ERC1: variants seen among roughly 807,000 people sequenced by gnomAD.
ERC1 encodes ELKS/RAB6-interacting/CAST family member 1.
A neutral mutation model predicts 132.0 loss-of-function variants in ERC1; 56 were observed. The ratio of observed to expected loss-of-function variants is 0.42; its 90% CI spans 0.34 to 0.53. The LOEUF (loss-of-function observed/expected upper bound fraction) is 0.53. Ranked by LOEUF, ERC1 falls within the 20% of genes least tolerant of loss-of-function variation. The pLI is 0.03. For missense variants in ERC1, 1,202 were observed against 1,349.9 expected, an observed-to-expected ratio of 0.89 and a Z score of 1.72; for synonymous variants, 478 against 476.1, an observed-to-expected ratio of 1.00 and a Z score of -0.05.
At chr12:1,258,003 A>G (rs1464482679) in intron 13 of ERC1, among the ~76,000 whole-genome samples, 3 of 152,158 alleles carry the variant, frequency 2.0e-5, no homozygotes, top group African/African-American at 7.2e-5. Flanking sequence ...ACGTTTAATC[A>G]CCCAGTAGCT....
chr12:1,352,507 T>TA (rs1269303724), intron 15 of ERC1, among the ~76,000 whole-genome samples: 1 of 152,244 alleles, frequency 6.6e-6, no homozygotes, highest in Non-Finnish European at 1.5e-5. Flanking sequence ...TATATATACT[T>TA]ACCTTTCTCA....
chr12:1,347,537 G>A (rs2084594293), intron 15 of ERC1, among the ~76,000 whole-genome samples: 1 of 152,104 alleles, frequency 6.6e-6, no homozygotes, highest in East Asian at 1.9e-4. Flanking sequence ...TCTATATAGA[G>A]AAAATCTGTA....
chr12:1,146,690 C>T (rs141272848), intron 8 of ERC1, among the ~76,000 whole-genome samples: 7,516 of 150,258 alleles, frequency 0.05, 634 homozygotes, highest in African/African-American at 0.17. Context: ...TTGTTACATA[C>T]GTATGCATGT....
chr12:1,438,923 C>G (rs1043505589), intron 17 of ERC1, among the ~76,000 whole-genome samples: 4 of 147,960 alleles, frequency 2.7e-5, no homozygotes, highest in African/African-American at 1.0e-4. Context: ...GTCTGGGTGA[C>G]AAAGCGAGAC....
At chr12:1,215,430 T>C (rs1397245339) in intron 12 of ERC1, among the ~76,000 whole-genome samples, 1 of 152,224 alleles carries the variant, frequency 6.6e-6, no homozygotes, top group African/African-American at 2.4e-5. Flanking sequence ...TTTAACAGCA[T>C]ATTCAATTAA....
At chr12:1,414,625 G>A (rs1440864983) in intron 17 of ERC1, among the ~76,000 whole-genome samples, 1 of 152,068 alleles carries the variant, frequency 6.6e-6, no homozygotes, top group Non-Finnish European at 1.5e-5. Context: ...ATGTAAGTTA[G>A]TTTATCCATG....
chr12:1,317,058 G>A (rs2081791811), intron 15 of ERC1, among the ~76,000 whole-genome samples: 2 of 151,920 alleles, frequency 1.3e-5, no homozygotes, highest in African/African-American at 4.8e-5. Context: ...CTACTCAGGA[G>A]GCTGAGACAG....
chr12:1,303,079 A>G (rs571990776), intron 15 of ERC1, among the ~76,000 whole-genome samples: 1 of 152,194 alleles, frequency 6.6e-6, no homozygotes, highest in Non-Finnish European at 1.5e-5. Context: ...TCTCCTGATC[A>G]TCTTGAGCCT....
chr12:1,293,565 G>C (rs61913067), intron 15 of ERC1, among the ~76,000 whole-genome samples: 7,495 of 78,058 alleles, frequency 0.096, 1,291 homozygotes, highest in African/African-American at 0.16. Flanking sequence ...GGAGGCGGAG[G>C]TTGCAGTGAG....
At chr12:1,293,973 A>G (rs1465838633) in intron 15 of ERC1, among the ~76,000 whole-genome samples, 1 of 152,194 alleles carries the variant, frequency 6.6e-6, no homozygotes, top group African/African-American at 2.4e-5. Context: ...ATATAAAATT[A>G]TTTTACACTT....
chr12:1,235,283 TG>T (rs903621794), intron 12 of ERC1, among the ~76,000 whole-genome samples: 11 of 152,132 alleles, frequency 7.2e-5, no homozygotes, highest in African/African-American at 2.4e-4. Flanking sequence ...CACCTGAGCC[TG>T]GGGGGTCAAG....
chr12:1,044,980 T>G (rs1970855224), intron 2 of ERC1, among the ~76,000 whole-genome samples: 1 of 152,130 alleles, frequency 6.6e-6, no homozygotes, highest in African/African-American at 2.4e-5. Context: ...TATTGCTCTA[T>G]TTTCTTTCTT....
intron 2 of ERC1, among the ~76,000 whole-genome samples, chr12:1,051,825 TCGC>T (rs1972058567): frequency 3.3e-5 from 5 of 152,170 alleles, no homozygotes; most frequent in Admixed American, 1.3e-4. Context: ...GTCCTTATGA[TCGC>T]CTCTGCTCCT....
chr12:1,154,444 C>T (rs992993410), intron 8 of ERC1, among the ~76,000 whole-genome samples: 7 of 151,378 alleles, frequency 4.6e-5, no homozygotes, highest in South Asian at 2.1e-4. Flanking sequence ...ATCTAAGACC[C>T]GAAACCATAA....
In ERC1 at chr12:1,444,713, C is replaced by T; in HGVS notation, c.3176C>T (p.Ala1059Val). Residue 1059 changes from alanine (A) to valine (V), a missense_variant, in exon 18 of 19, where the codon GCT (alanine) becomes GTT (valine). Physicochemically the swap from Ala to Val is moderately conservative, Grantham distance 64. Transcript: ENST00000360905. Reference protein sequence around the residue: ...ASYNLDDDQAAWENELQKMTR... With the variant: ...ASYNLDDDQAVWENELQKMTR... Reference sequence around the variant, plus strand: ...TATAACTTGGACGATGACCAGGCGGCTTGGGAGAATGAGCTGCAGAAGATG... The same window carrying T: ...TATAACTTGGACGATGACCAGGCGGTTTGGGAGAATGAGCTGCAGAAGATG... 1 of 1,614,098 alleles carries T rather than the reference C, an allele frequency of 6.2e-7. No individual in the cohort carries two copies. Among genetic ancestry groups the T allele is most frequent in the Non-Finnish European group, 8.5e-7 (1 of 1,180,012 alleles).
chr12:1,437,683 G>A (rs1468610582), intron 17 of ERC1, among the ~76,000 whole-genome samples: 7 of 152,196 alleles, frequency 4.6e-5, no homozygotes, highest in Non-Finnish European at 7.3e-5. Flanking sequence ...TATTCTGAAC[G>A]CTGTTCCATA....
chr12:1,210,076 T>C (rs1035377685), intron 12 of ERC1, among the ~76,000 whole-genome samples: 3 of 152,210 alleles, frequency 2.0e-5, no homozygotes, highest in Admixed American at 6.5e-5. Flanking sequence ...TAAAAGCATA[T>C]TGAACAGTGG....
chr12:1,481,357 T>A (rs1003763291), intron 18 of ERC1, among the ~76,000 whole-genome samples: 2 of 152,240 alleles, frequency 1.3e-5, no homozygotes, highest in African/African-American at 4.8e-5. Context: ...TCCTAAGCAA[T>A]CTAAAAGTTT....
chr12:1,256,562 G>A (rs1200933519), intron 13 of ERC1, among the ~76,000 whole-genome samples: 1 of 149,958 alleles, frequency 6.7e-6, no homozygotes, highest in East Asian at 2.0e-4. Flanking sequence ...TTTGATGATT[G>A]GCCTATCACT....
Sources: gnomAD v4.1 joint callset for allele counts (sites outside exome capture counted in the v4.1 genomes callset) on GRCh38, gnomAD v4.1.1 for gene constraint, MANE v1.5 for transcripts, NCBI Gene and HGNC (gene_info 2026-07-23, HGNC 2026-07-21) for gene names.